Variants in MARCHF10 observed in about 807,000 individuals in gnomAD.
The protein encoded by MARCHF10 is membrane associated ring-CH-type finger 10.
In MARCHF10, 64 loss-of-function variants were observed where a neutral mutation model predicts 76.2. That is an observed-to-expected ratio of 0.84 (90% CI 0.69 to 1.03). The LOEUF (loss-of-function observed/expected upper bound fraction) is 1.03. MARCHF10 is among the 50% of genes least tolerant of loss of function. The probability of loss-of-function intolerance (pLI) is 0.00; values close to 1 mark genes in which losing one functional copy is unlikely to be tolerated. For missense variants in MARCHF10, 875 were observed against 958.0 expected, an observed-to-expected ratio of 0.91 and a Z score of 1.14; for synonymous variants, 340 against 357.5, an observed-to-expected ratio of 0.95 and a Z score of 0.55.
chr17:62,748,159 A>G (rs2147882967), intron 4 of MARCHF10, among the ~76,000 whole-genome samples: 1 of 152,294 alleles, frequency 6.6e-6, no homozygotes, highest in South Asian at 2.1e-4. Flanking sequence ...GCACTTTAGG[A>G]GGCCAAGGTG....
intron 3 of MARCHF10, among the ~76,000 whole-genome samples, chr17:62,777,083 TC>T (rs1260130933): frequency 6.6e-5 from 10 of 152,204 alleles, no homozygotes; most frequent in Non-Finnish European, 1.3e-4. Context: ...TGGAGCATTC[TC>T]CACTCCAAGT....
At chr17:62,719,575 A>AT (rs898676059) in intron 8 of MARCHF10, among the ~76,000 whole-genome samples, 42 of 141,492 alleles carry the variant, frequency 3.0e-4, no homozygotes, top group African/African-American at 8.1e-4. Flanking sequence ...TTTATCTTTG[A>AT]TTTTTTTTTC....
chr17:62,762,375 TTGG>T (rs1236422632), intron 3 of MARCHF10, among the ~76,000 whole-genome samples: 1 of 152,222 alleles, frequency 6.6e-6, no homozygotes, highest in Non-Finnish European at 1.5e-5. Flanking sequence ...CAGCTAGAAG[TTGG>T]TGTTTTATCA....
At chr17:62,753,003 A>T (rs745775879) in intron 4 of MARCHF10, among the ~76,000 whole-genome samples, 1 of 152,166 alleles carries the variant, frequency 6.6e-6, no homozygotes, top group Non-Finnish European at 1.5e-5. Context: ...ATGACATTTA[A>T]GGCCCTTGGA....
intron 3 of MARCHF10, among the ~76,000 whole-genome samples, chr17:62,779,619 C>T (rs2092619205): frequency 6.6e-6 from 1 of 152,230 alleles, no homozygotes; most frequent in Non-Finnish European, 1.5e-5. Flanking sequence ...CTAATATTTG[C>T]TAGGAGCCGC....
chr17:62,756,619 C>T (rs890827163), intron 4 of MARCHF10, among the ~76,000 whole-genome samples: 1 of 152,148 alleles, frequency 6.6e-6, no homozygotes, highest in Non-Finnish European at 1.5e-5. Flanking sequence ...ATTGAGTTGC[C>T]ACAGCGGCAG....
chr17:62,788,479 C>T lies in MARCHF10; in HGVS notation c.210+1G>A, dbSNP rs1312495523. 6 of 1,613,936 alleles carry T rather than the reference C, an allele frequency of 3.7e-6. No homozygotes were observed. The highest frequency in any genetic ancestry group is 5.1e-6 in the Non-Finnish European group (6 of 1,180,014). On this transcript the variant is annotated splice_donor_variant, in intron 3 of 10. Transcript: ENST00000311269. LOFTEE classifies it high-confidence loss of function. ...AGACTGTCTCCCAGAATTCTTCATA[C>T]CTGTTTGGAAGATGACCTGCTAGAA...
At chr17:62,777,574 C>T (rs919150229) in intron 3 of MARCHF10, among the ~76,000 whole-genome samples, 6 of 151,632 alleles carry the variant, frequency 4.0e-5, no homozygotes, top group East Asian at 1.9e-4. Flanking sequence ...AAAAAATTAG[C>T]CAGGTATGGT....
intron 3 of MARCHF10, among the ~76,000 whole-genome samples, chr17:62,764,059 T>C (rs2092272022): frequency 6.6e-6 from 1 of 152,124 alleles, no homozygotes; most frequent in Admixed American, 6.6e-5. Flanking sequence ...GTAGATGTCC[T>C]GGAAGGTGAA....
intron 4 of MARCHF10, among the ~76,000 whole-genome samples, chr17:62,746,467 C>G (rs34687725): frequency 0.51 from 77,475 of 150,470 alleles, 20,838 homozygotes; most frequent in East Asian, 0.7. Flanking sequence ...GACAGAAAGA[C>G]AGAGAGAGAG....
At chr17:62,723,512 C>T (rs2090593960) in intron 7 of MARCHF10, among the ~76,000 whole-genome samples, 1 of 141,334 alleles carries the variant, frequency 7.1e-6, no homozygotes, top group Non-Finnish European at 1.5e-5. Context: ...TTTCAAAGGG[C>T]AAGGATGAAC....
chr17:62,722,817 G>A (rs1226175429), intron 7 of MARCHF10, among the ~76,000 whole-genome samples: 2 of 152,094 alleles, frequency 1.3e-5, no homozygotes, highest in Non-Finnish European at 2.9e-5. Context: ...TCATAGAAGT[G>A]AAATTCCCAC....
intron 4 of MARCHF10, among the ~76,000 whole-genome samples, chr17:62,757,462 AC>A (rs2092079046): frequency 6.6e-6 from 1 of 152,226 alleles, no homozygotes; most frequent in Non-Finnish European, 1.5e-5. Flanking sequence ...ACTGAGCTCA[AC>A]TTTTCCTGAA....
rs552647502 is a variant in MARCHF10 at position 62,710,550 on chromosome 17, C to CTTTTT, written c.2328+676_2328+680dup. ...CTTATGACTAACAGTTTGAACCCAG[C>CTTTTT]TTTTTTTTTTTTTTTTTTTTTTTTT... On this transcript the variant is annotated intron_variant, in intron 9 of 10. Coordinates refer to ENST00000311269, the MANE Select transcript of MARCHF10 (RefSeq NM_152598.4). 1.5e-3 allele frequency among the ~76,000 whole-genome samples: 130 copies of CTTTTT among 88,620 alleles called. 4 individuals are homozygous for CTTTTT. Among genetic ancestry groups the CTTTTT allele is most frequent in the African/African-American group, 4.4e-3 (87 of 19,814 alleles). 58.1% of individuals were successfully genotyped at this position (88,620 alleles called of 152,430 possible). A position where few individuals can be genotyped will look rare whatever the true frequency, so the allele number is the denominator to read the frequency against.
intron 3 of MARCHF10, among the ~76,000 whole-genome samples, chr17:62,779,359 C>T (rs1342945159): frequency 2.6e-5 from 4 of 152,160 alleles, no homozygotes; most frequent in Non-Finnish European, 5.9e-5. Context: ...ATTCATGGAA[C>T]ACATATGCCA....
At position 62,755,096 on chromosome 17, in the gene MARCHF10, A is replaced by C. The variant is rs193066804; in HGVS notation, c.382+4739T>G. Among the ~76,000 whole-genome samples, 585 of 152,320 alleles carry C rather than the reference A, an allele frequency of 3.8e-3. 1 individual carries two copies. The highest frequency in any genetic ancestry group is 0.013 in the African/African-American group (559 of 41,564). Reference sequence around the variant, plus strand: ...CTGAAAAGTCTTCTTACTCCTGCAAATCTGAACCCAGTAATGACTAACATT... The same window carrying C: ...CTGAAAAGTCTTCTTACTCCTGCAACTCTGAACCCAGTAATGACTAACATT... On this transcript the variant is annotated intron_variant, in intron 4 of 10. Transcript: ENST00000311269.
chr17:62,736,691 T>C lies in MARCHF10; in HGVS notation c.1177A>G (p.Ser393Gly). ...ESATEKDRGG[S>G]ENAKKSPLSW... ...AGAGGGCTCTTTTTCGCATTTTCACTGCCACCTCTGTCCTTCTCTGTAGCA... is the reference window on the plus strand; with the variant it reads ...AGAGGGCTCTTTTTCGCATTTTCACCGCCACCTCTGTCCTTCTCTGTAGCA... The change falls in exon 6 of 11, where the codon AGT becomes GGT. Residue 393 changes from serine (S) to glycine (G), a missense_variant. Coordinates refer to ENST00000311269, the MANE Select transcript of MARCHF10 (RefSeq NM_152598.4). The C allele has an allele frequency of 6.2e-7, 1 of 1,614,188 alleles. No homozygotes were observed. The highest frequency in any genetic ancestry group is 8.5e-7 in the Non-Finnish European group (1 of 1,180,026).
At chr17:62,779,045 A>G (rs1226338028) in intron 3 of MARCHF10, among the ~76,000 whole-genome samples, 2 of 152,216 alleles carry the variant, frequency 1.3e-5, no homozygotes, top group Admixed American at 1.3e-4. Context: ...CGTGGGCTGC[A>G]CATTCTCTCT....
chr17:62,741,820 G>C (rs549022671), intron 5 of MARCHF10, among the ~76,000 whole-genome samples: 12 of 151,498 alleles, frequency 7.9e-5, no homozygotes, highest in Non-Finnish European at 1.6e-4. Flanking sequence ...TCAGCCTCCC[G>C]AGTAGCTGGG....
Sources: gnomAD v4.1 joint callset for allele counts (sites outside exome capture counted in the v4.1 genomes callset) on GRCh38, gnomAD v4.1.1 for gene constraint, MANE v1.5 for transcripts, NCBI Gene and HGNC (gene_info 2026-07-23, HGNC 2026-07-21) for gene names.